UBE2K: variants seen among roughly 807,000 people sequenced by gnomAD.
UBE2K encodes the protein ubiquitin-conjugating enzyme E2 K.
A neutral mutation model predicts 30.0 loss-of-function variants in UBE2K; 6 were observed. That is an observed-to-expected ratio of 0.20 (90% confidence interval 0.11 to 0.39). The LOEUF is 0.39. Among genes scored for constraint, UBE2K ranks in the 10% least tolerant of loss-of-function variants. The pLI, the probability that UBE2K is intolerant of heterozygous loss-of-function variation, is 1.00. For synonymous variants in UBE2K, 86 were observed against 83.7 expected (o/e 1.03, Z -0.15); for missense variants, 61 against 241.6 (o/e 0.25, Z 4.96).
chr4:39,698,233 C>G lies in UBE2K; in HGVS notation c.-95C>G, dbSNP rs946435211. On this transcript the variant is annotated 5_prime_UTR_variant, in exon 1 of 7. Transcript: ENST00000261427. Reference sequence around the variant, plus strand: ...TGTTCGTGTGCTCAGGTCTGAATCGCCGAGGGAGGAGGCGGTGGAGGAAGA... The same window carrying G: ...TGTTCGTGTGCTCAGGTCTGAATCGGCGAGGGAGGAGGCGGTGGAGGAAGA... The G allele has an allele frequency of 3.2e-6, 4 of 1,255,708 alleles. No individual in the cohort carries two copies. In the African/African-American group the frequency reaches 4.4e-5, roughly 14 times the overall value. The allele number at this position is 1,255,708 out of a possible 1,614,324, so 77.8% of individuals were successfully genotyped here. A position where few individuals can be genotyped will look rare whatever the true frequency, so the allele number is the denominator to read the frequency against.
At chr4:39,707,209 G>GTT (rs948533752) in intron 1 of UBE2K, among the ~76,000 whole-genome samples, 4 of 151,366 alleles carry the variant, frequency 2.6e-5, no homozygotes, top group Non-Finnish European at 4.4e-5. Flanking sequence ...CCCACCTGGA[G>GTT]TTTTTTTGTT....
At position 39,782,291 on chromosome 4, in the gene UBE2K, C is replaced by T. The variant is rs1187980744; in HGVS notation, c.*3857C>T. On this transcript the variant is annotated 3_prime_UTR_variant, in exon 7 of 7. Transcript: ENST00000261427. The stretch of plus-strand genomic sequence containing the variant: ...ACGATCCTTGTCTGCTTGCTGTTAC[C>T]TACTTTTTACAGGCATCATAATAAA... The T allele has an allele frequency of 3.0e-5, 8 of 268,992 alleles. No homozygotes were observed. Among genetic ancestry groups the T allele is most frequent in the Admixed American group, 1.1e-4 (2 of 18,894 alleles). The allele number at this position is 268,992 out of a possible 1,614,324, so 16.7% of individuals were successfully genotyped here. A position where few individuals can be genotyped will look rare whatever the true frequency, so the allele number is the denominator to read the frequency against.
rs148634210 is a variant in UBE2K, at chr4:39,722,572, C to T, written c.64-14848C>T. Reference sequence around the variant, plus strand: ...CTTTTACCAGGTGCACTCACACACACCCCCACTCTCACTCATGCTGGTACA... The same window carrying T: ...CTTTTACCAGGTGCACTCACACACATCCCCACTCTCACTCATGCTGGTACA... On this transcript the variant is annotated intron_variant, in intron 1 of 6. Transcript: ENST00000261427. Among the ~76,000 whole-genome samples the T allele has an allele frequency of 8.1e-3, 1,230 of 152,234 alleles. 19 individuals are homozygous for T. Among genetic ancestry groups the T allele is most frequent in the African/African-American group, 0.028 (1,167 of 41,528 alleles).
intron 4 of UBE2K, among the ~76,000 whole-genome samples, chr4:39,759,760 C>G (rs1411013351): frequency 6.6e-6 from 1 of 152,218 alleles, no homozygotes; most frequent in Non-Finnish European, 1.5e-5. Flanking sequence ...CACAGAATAT[C>G]TGCCTGGTCG....
Position 39,745,804 on chromosome 4 carries a change from C to G in UBE2K, c.210C>G (p.Pro70=). ...TACCAGAAACATACCCATTTAATCC[C>G]CCTAAGGTATTGTAAGCCTATTTTT... The part of the protein sequence containing the change: ...IKIPETYPFN[P]PKVRFITKIW... The change falls in exon 3 of 7, where the codon CCC becomes CCG. Residue 70 remains proline (P), a synonymous_variant. Coordinates refer to ENST00000261427, the MANE Select transcript of UBE2K (RefSeq NM_005339.5). 1 of 1,599,828 alleles carries G rather than the reference C, an allele frequency of 6.3e-7. No individual in the cohort carries two copies. Among genetic ancestry groups the G allele is most frequent in the Non-Finnish European group, 8.5e-7 (1 of 1,173,996 alleles).
At chr4:39,742,221 A>G (rs1720742112) in intron 2 of UBE2K, among the ~76,000 whole-genome samples, 1 of 152,128 alleles carries the variant, frequency 6.6e-6, no homozygotes, top group Non-Finnish European at 1.5e-5. Flanking sequence ...AGAAAAGCCT[A>G]TGTAGTGCTG....
At chr4:39,774,393 G>A (rs1386427028) in intron 4 of UBE2K, among the ~76,000 whole-genome samples, 1 of 151,816 alleles carries the variant, frequency 6.6e-6, no homozygotes, top group Non-Finnish European at 1.5e-5. Flanking sequence ...GGATTACGAG[G>A]TCAGGAGATC....
intron 1 of UBE2K, among the ~76,000 whole-genome samples, chr4:39,719,739 C>T (rs1258660931): frequency 2.0e-5 from 3 of 152,326 alleles, no homozygotes; most frequent in African/African-American, 7.2e-5. Context: ...TGTTGCTTCT[C>T]AGCGAGCTGA....
At chr4:39,757,009 T>TG (rs781427956) in intron 4 of UBE2K, among the ~76,000 whole-genome samples, 2 of 116,306 alleles carry the variant, frequency 1.7e-5, no homozygotes, top group Admixed American at 2.0e-4. Context: ...TGTTTTTTTT[T>TG]TGTTTTTTGT....
At chr4:39,722,146 C>CG (rs1719455140) in intron 1 of UBE2K, among the ~76,000 whole-genome samples, 1 of 152,158 alleles carries the variant, frequency 6.6e-6, no homozygotes, top group African/African-American at 2.4e-5. Flanking sequence ...GTCTTATCTA[C>CG]GTAACGTTCA....
chr4:39,762,031 TA>T, intron 4 of UBE2K, among the ~76,000 whole-genome samples: 1 of 151,596 alleles, frequency 6.6e-6, no homozygotes. Flanking sequence ...AATAAAAAAT[TA>T]GCCGGGCGTA....
chr4:39,751,841 CA>C (rs1357854204), intron 3 of UBE2K, among the ~76,000 whole-genome samples: 1 of 152,144 alleles, frequency 6.6e-6, no homozygotes, highest in Admixed American at 6.5e-5. Context: ...GTGGCGCACA[CA>C]CGTAGTCCCA....
chr4:39,739,770 G>T (rs1176025436), intron 2 of UBE2K, among the ~76,000 whole-genome samples: 1 of 152,012 alleles, frequency 6.6e-6, no homozygotes, highest in Non-Finnish European at 1.5e-5. Flanking sequence ...TTTCTTTATT[G>T]GAGAGATGGC....
chr4:39,755,777 T>C (rs772274129), intron 4 of UBE2K, 38 bp downstream of exon 4: 2 of 1,428,410 alleles, frequency 1.4e-6, no homozygotes, highest in African/African-American at 1.4e-5. Flanking sequence ...CCTTCTCATA[T>C]GAATACCAAG....
At chr4:39,777,948 ATTAGC>A (rs1713371415) in intron 6 of UBE2K, 138 bp downstream of exon 6, 2 of 764,230 alleles carry the variant, frequency 2.6e-6, no homozygotes, top group East Asian at 6.3e-5. Flanking sequence ...CTCTACAAAA[ATTAGC>A]TGGACATGGT....
At chr4:39,778,220 A>G in intron 6 of UBE2K, 140 bp from the exon 7 acceptor site, 1 of 426,384 alleles carries the variant, frequency 2.3e-6, no homozygotes, top group Non-Finnish European at 4.1e-6. Flanking sequence ...TGATTTTAGA[A>G]GCTTTCCATG....
chr4:39,778,560 A>T lies in UBE2K; in HGVS notation c.*126A>T. On this transcript the variant is annotated 3_prime_UTR_variant, in exon 7 of 7. Coordinates refer to ENST00000261427, the MANE Select transcript of UBE2K (RefSeq NM_005339.5). ...TCTTGCCTAATGATGTTATCTAGGC[A>T]CCATTGGAGACTGAAAAAAAAAAAT... 1.9e-6 allele frequency: 1 copy of T among 512,928 alleles called. No individual in the cohort carries two copies. Among genetic ancestry groups the T allele is most frequent in the Non-Finnish European group, 3.4e-6 (1 of 294,260 alleles). 31.8% of individuals were successfully genotyped at this position (512,928 alleles called of 1,614,324 possible). A position where few individuals can be genotyped will look rare whatever the true frequency, so the allele number is the denominator to read the frequency against.
At chr4:39,729,183 C>T (rs369626593) in intron 1 of UBE2K, among the ~76,000 whole-genome samples, 19 of 152,012 alleles carry the variant, frequency 1.2e-4, no homozygotes, top group African/African-American at 4.6e-4. Flanking sequence ...GTTGGCCAGG[C>T]TAGTCTCGAA....
At chr4:39,748,519 C>T (rs943724092) in intron 3 of UBE2K, among the ~76,000 whole-genome samples, 1 of 152,052 alleles carries the variant, frequency 6.6e-6, no homozygotes, top group Admixed American at 6.6e-5. Context: ...GTGGCTCACG[C>T]CTATAATCCC....
Sources: allele counts gnomAD v4.1 joint callset (sites outside exome capture counted in the v4.1 genomes callset), GRCh38; gene constraint gnomAD v4.1.1; transcripts MANE v1.5; gene names NCBI Gene and HGNC (gene_info 2026-07-23, HGNC 2026-07-21).